Variants in VPS13B observed in about 807,000 individuals in gnomAD.
The protein encoded by VPS13B is vacuolar protein sorting 13 homolog B.
Under a neutral mutation model 426.4 loss-of-function variants are expected in VPS13B, and 285 were observed. The observed-to-expected ratio is 0.67, with a 90% CI of 0.61 to 0.74. VPS13B has a LOEUF of 0.74. Ranked by LOEUF, VPS13B falls within the 30% of genes least tolerant of loss-of-function variation. The pLI is 0.00. For synonymous variants in VPS13B, 1,676 were observed against 1,676.4 expected, an observed-to-expected ratio of 1.00 and a Z score of 0.01; for missense variants, 4,537 against 4,782.6, an observed-to-expected ratio of 0.95 and a Z score of 1.51.
In VPS13B at chr8:99,832,341, ATTTTT is replaced by A. The variant is rs370235149; in HGVS notation, c.9331-7_9331-3del. ...TTACTGTAGCTAATGTGCTCTCTGCATTTTTTTTTTTTTTTTTTTTTTTTTAGTAT... is the reference window on the plus strand; with the variant it reads ...TTACTGTAGCTAATGTGCTCTCTGCATTTTTTTTTTTTTTTTTTTTAGTAT... On this transcript the variant is annotated intron_variant, in intron 51 of 61. Transcript: ENST00000357162. 7.9e-5 allele frequency: 95 copies of A among 1,195,014 alleles called. No individual in the cohort carries two copies. Among genetic ancestry groups the A allele is most frequent in the East Asian group, 2.2e-4 (6 of 27,614 alleles). The allele number at this position is 1,195,014 out of a possible 1,614,324, so 74.0% of individuals were successfully genotyped here.
rs186710721 is a variant in VPS13B at position 99,512,104 on chromosome 8, A to G, written c.4633+592A>G. On this transcript the variant is annotated intron_variant, in intron 29 of 61. Coordinates refer to ENST00000357162, the MANE Select transcript of VPS13B (RefSeq NM_152564.5). ...AATTACCAAGCTAGAACTAAATTCA[A>G]TGTATTATACTTAACAGATTCTTAA... Among the ~76,000 whole-genome samples the G allele has an allele frequency of 2.4e-4, 37 of 152,350 alleles. No homozygotes were observed. The East Asian group carries it at 7.1e-3, about 29-fold the overall frequency.
chr8:99,137,629 G>A (rs1040575602), intron 12 of VPS13B, among the ~76,000 whole-genome samples: 8 of 152,134 alleles, frequency 5.3e-5, no homozygotes, highest in African/African-American at 1.7e-4. Flanking sequence ...GAAGGAAAGA[G>A]CAGTAAATTT....
chr8:99,150,855 C>T (rs531731140), intron 14 of VPS13B, among the ~76,000 whole-genome samples: 19 of 152,130 alleles, frequency 1.2e-4, no homozygotes, highest in South Asian at 2.1e-4. Flanking sequence ...TCCACGTGCA[C>T]GTTTTGGTGT....
chr8:99,544,615 C>G (rs925043529), intron 30 of VPS13B, among the ~76,000 whole-genome samples: 1 of 151,960 alleles, frequency 6.6e-6, no homozygotes, highest in East Asian at 1.9e-4. Context: ...TTCTACCTAC[C>G]GCTTTTTGCT....
chr8:99,351,431 A>AGTGTGTGTGTGTGT (rs1476078907), intron 19 of VPS13B, among the ~76,000 whole-genome samples: 125 of 147,606 alleles, frequency 8.5e-4, no homozygotes, highest in African/African-American at 3.1e-3. Context: ...AGAGAGAGAG[A>AGTGTGTGTGTGTGT]GAGAGTGTGT....
chr8:99,291,414 A>G (rs1819727163), intron 19 of VPS13B, among the ~76,000 whole-genome samples: 1 of 152,168 alleles, frequency 6.6e-6, no homozygotes, highest in Non-Finnish European at 1.5e-5. Context: ...AAGAACTCAT[A>G]TTCTTCACCA....
chr8:99,379,133 T>A (rs563260721), intron 19 of VPS13B, among the ~76,000 whole-genome samples: 9 of 152,292 alleles, frequency 5.9e-5, no homozygotes, highest in African/African-American at 2.2e-4. Flanking sequence ...TGCATGCTTT[T>A]ATGAGAATTG....
rs141208784 is a variant in VPS13B at position 99,577,925 on chromosome 8, C to T, written c.5220+292C>T. 2.1e-4 allele frequency: 85 copies of T among 399,004 alleles called. 2 individuals carry two copies. The East Asian group carries it at 4.4e-3, about 21-fold the overall frequency. 24.7% of individuals were successfully genotyped at this position (399,004 alleles called of 1,614,324 possible). ...CCTGCTGAAGTTCTAAAGTATGATG[C>T]GAGAATCCTGGTATAGCTTTCATTT... On this transcript the variant is annotated intron_variant, in intron 33 of 61. Coordinates refer to ENST00000357162, the MANE Select transcript of VPS13B (RefSeq NM_152564.5).
intron 2 of VPS13B, among the ~76,000 whole-genome samples, chr8:99,020,761 G>A (rs1025264202): frequency 6.6e-6 from 1 of 152,156 alleles, no homozygotes; most frequent in Admixed American, 6.5e-5. Flanking sequence ...AGATGTGAGA[G>A]TTTATTTCTG....
intron 3 of VPS13B, among the ~76,000 whole-genome samples, chr8:99,083,916 G>A (rs1196151656): frequency 6.7e-6 from 1 of 149,204 alleles, no homozygotes; most frequent in African/African-American, 2.5e-5. Context: ...GTCTAAAATT[G>A]TCTTTTTGTA....
intron 17 of VPS13B, among the ~76,000 whole-genome samples, chr8:99,198,923 T>A (rs79609975): frequency 6.6e-6 from 1 of 152,122 alleles, no homozygotes; most frequent in Non-Finnish European, 1.5e-5. Flanking sequence ...AATAGTTCTA[T>A]CTAAAGATCC....
intron 2 of VPS13B, among the ~76,000 whole-genome samples, chr8:99,033,934 T>G (rs1842628367): frequency 2.6e-5 from 4 of 152,232 alleles, no homozygotes; most frequent in Admixed American, 6.5e-5. Flanking sequence ...CCCTTATTTC[T>G]TTGAACATAT....
At chr8:99,780,109 AT>A (rs965784686) in intron 42 of VPS13B, among the ~76,000 whole-genome samples, 40 of 152,282 alleles carry the variant, frequency 2.6e-4, no homozygotes, top group African/African-American at 9.1e-4. Flanking sequence ...TTTTAAAAAT[AT>A]TTTTTAAGGG....
intron 8 of VPS13B, among the ~76,000 whole-genome samples, chr8:99,126,263 G>A (rs1848181657): frequency 6.6e-6 from 1 of 152,146 alleles, no homozygotes; most frequent in South Asian, 2.1e-4. Flanking sequence ...AGTAAGCATG[G>A]GGAAGGAGGA....
chr8:99,871,743 G>T (rs780130720), intron 61 of VPS13B, 46 bp downstream of exon 61: 1 of 1,611,172 alleles, frequency 6.2e-7, no homozygotes, highest in East Asian at 2.2e-5. Flanking sequence ...GGCCAGGGAG[G>T]TTGAGGAGCA....
intron 5 of VPS13B, among the ~76,000 whole-genome samples, chr8:99,105,424 G>A (rs534398459): frequency 3.3e-5 from 5 of 152,128 alleles, no homozygotes; most frequent in African/African-American, 1.2e-4. Context: ...TGTCACCCAG[G>A]CTGAAGTGCA....
intron 33 of VPS13B, among the ~76,000 whole-genome samples, chr8:99,600,743 G>A (rs1400486842): frequency 2.0e-5 from 3 of 152,136 alleles, no homozygotes; most frequent in African/African-American, 4.8e-5. Context: ...GCGAGTGCTG[G>A]AGAGCTTTCT....
intron 34 of VPS13B, among the ~76,000 whole-genome samples, chr8:99,650,712 CTCTT>C (rs1296039796): frequency 6.6e-6 from 1 of 152,164 alleles, no homozygotes; most frequent in Non-Finnish European, 1.5e-5. Context: ...AATGTGGTCT[CTCTT>C]TCTCTCTCAA....
intron 17 of VPS13B, among the ~76,000 whole-genome samples, chr8:99,206,598 G>A (rs1413490198): frequency 1.3e-5 from 2 of 152,128 alleles, no homozygotes; most frequent in Non-Finnish European, 1.5e-5. Flanking sequence ...CTTGTGGAGT[G>A]AAGTCAAATA....
Sources: gnomAD v4.1 joint callset for allele counts (sites outside exome capture counted in the v4.1 genomes callset) on GRCh38, gnomAD v4.1.1 for gene constraint, MANE v1.5 for transcripts, NCBI Gene and HGNC (gene_info 2026-07-23, HGNC 2026-07-21) for gene names.